The following COP1 variants were observed in gnomAD, a reference collection of about 807,000 sequenced individuals.
The protein encoded by COP1 is COP1 E3 ubiquitin ligase, also known as E3 ubiquitin-protein ligase COP1.
COP1 carries 24 observed loss-of-function variants against 101.3 expected under a neutral mutation model. The observed-to-expected ratio is 0.24, with a 90% CI of 0.17 to 0.33. The LOEUF (loss-of-function observed/expected upper bound fraction) is 0.33. Among genes scored for constraint, COP1 ranks in the 10% least tolerant of loss-of-function variants. COP1 has a pLI of 1.00. For synonymous variants in COP1, 347 were observed against 341.9 expected, an observed-to-expected ratio of 1.01 and a Z score of -0.17; for missense variants, 663 against 906.2, an observed-to-expected ratio of 0.73 and a Z score of 3.45.
chr1:175,994,859 A>T (rs867847873), intron 15 of COP1, among the ~76,000 whole-genome samples: 99 of 152,346 alleles, frequency 6.5e-4, no homozygotes, highest in African/African-American at 2.4e-3. Context: ...CAACAAGGAT[A>T]TCCAGGAATT....
intron 5 of COP1, among the ~76,000 whole-genome samples, chr1:176,155,884 T>TCTG (rs1333138481): frequency 6.6e-6 from 1 of 151,926 alleles, no homozygotes; most frequent in East Asian, 1.9e-4. Context: ...ACCCAAAGCT[T>TCTG]CTATATAGAG....
intron 14 of COP1, among the ~76,000 whole-genome samples, chr1:176,035,710 C>CAAAAAAAAAAAAAAAAAAAAAAAAAA (rs71129541): frequency 1.4e-5 from 1 of 73,112 alleles, no homozygotes; most frequent in African/African-American, 7.0e-5. Context: ...AAAACGAGAC[C>CAAAAAAAAAAAAAAAAAAAAAAAAAA]AAAAAAAAAA....
At position 176,207,003 on chromosome 1, in the gene COP1, G is replaced by C. The variant is rs1700934216; in HGVS notation, c.-25C>G. The stretch of plus-strand genomic sequence containing the variant: ...TCGTGACTCCCTCCCCTCCAGCCGG[G>C]CGCTCGGAGGAGAGGGACCGCGACC... On this transcript the variant is annotated 5_prime_UTR_variant, in exon 1 of 20. Transcript: ENST00000367669. The C allele has an allele frequency of 1.5e-6, 2 of 1,368,172 alleles. No individual in the cohort carries two copies. Among genetic ancestry groups the C allele is most frequent in the African/African-American group, 3.0e-5 (2 of 65,732 alleles). The allele number at this position is 1,368,172 out of a possible 1,614,324, so 84.8% of individuals were successfully genotyped here. A position where few individuals can be genotyped will look rare whatever the true frequency, so the allele number is the denominator to read the frequency against.
At chr1:176,125,750 A>G (rs369567254) in intron 8 of COP1, among the ~76,000 whole-genome samples, 42 of 151,408 alleles carry the variant, frequency 2.8e-4, no homozygotes, top group African/African-American at 9.4e-4. Flanking sequence ...TTTTTTTTCT[A>G]TTTCTGTGAA....
chr1:176,117,323 T>C (rs1686361637), intron 8 of COP1, among the ~76,000 whole-genome samples: 1 of 152,208 alleles, frequency 6.6e-6, no homozygotes, highest in Non-Finnish European at 1.5e-5. Context: ...TCCTCTGCTC[T>C]GGTCAAACAT....
At chr1:175,970,873 G>GTAT (rs1653100206) in intron 18 of COP1, among the ~76,000 whole-genome samples, 1 of 152,084 alleles carries the variant, frequency 6.6e-6, no homozygotes, top group South Asian at 2.1e-4. Flanking sequence ...GAAAGACCTG[G>GTAT]GTCAACTAAA....
chr1:176,115,641 T>C (rs1426372484), intron 9 of COP1, among the ~76,000 whole-genome samples: 2 of 150,712 alleles, frequency 1.3e-5, no homozygotes, highest in African/African-American at 4.9e-5. Context: ...CCCGACTACT[T>C]GGGAGGCTGA....
At position 176,206,797 on chromosome 1, in the gene COP1, A is replaced by C; in HGVS notation, c.182T>G (p.Leu61Arg). The C allele has an allele frequency of 7.2e-7, 1 of 1,385,952 alleles. No homozygotes were observed. Among genetic ancestry groups the C allele is most frequent in the Non-Finnish European group, 9.3e-7 (1 of 1,080,914 alleles). The allele number at this position is 1,385,952 out of a possible 1,614,324, so 85.9% of individuals were successfully genotyped here. ...CAACACAGGCCGCACCGGGCCCCCG[A>C]GGCCGCCCGAGCCGGCGGCCTGGGC... ...GVAQAAGSGG[L>R]GGPVRPVLVA... Residue 61 changes from leucine to arginine, a missense_variant, in exon 1 of 20, where the codon CTC becomes CGC. Physicochemically the swap from Leu to Arg is moderately radical, Grantham distance 102 (BLOSUM62 -2). This residue lies in a region of COP1 where 204 missense variants were observed against 203.6 expected (regional missense o/e 1.00). Transcript: ENST00000367669.
chr1:176,047,066 G>A (rs1241352479), intron 11 of COP1, among the ~76,000 whole-genome samples: 2 of 152,032 alleles, frequency 1.3e-5, no homozygotes, highest in African/African-American at 4.8e-5. Flanking sequence ...GATCATACTC[G>A]CTTTTACAGA....
chr1:176,007,345 G>T (rs906815411), intron 15 of COP1, among the ~76,000 whole-genome samples: 1 of 152,144 alleles, frequency 6.6e-6, no homozygotes, highest in African/African-American at 2.4e-5. Flanking sequence ...CTCTCAGCTC[G>T]TCAAAGTCAT....
chr1:176,049,178 CAAAAAAAAAAAA>C (rs61267982), intron 11 of COP1, among the ~76,000 whole-genome samples: 14 of 118,342 alleles, frequency 1.2e-4, no homozygotes, highest in Non-Finnish European at 1.2e-4. Context: ...GACTCCGTCT[CAAAAAAAAAAAA>C]AAAAAAAAAA....
At chr1:176,111,515 G>T (rs1437488341) in intron 9 of COP1, among the ~76,000 whole-genome samples, 1 of 151,996 alleles carries the variant, frequency 6.6e-6, no homozygotes, top group Non-Finnish European at 1.5e-5. Context: ...GGATGGTTTC[G>T]ATCTCTTGAC....
chr1:176,154,254 C>A (rs1693098563), intron 5 of COP1, among the ~76,000 whole-genome samples: 1 of 152,134 alleles, frequency 6.6e-6, no homozygotes, highest in African/African-American at 2.4e-5. Context: ...GATTCAATTT[C>A]TTCCTGGCTC....
At chr1:175,953,252 A>G (rs1170930889) in intron 18 of COP1, among the ~76,000 whole-genome samples, 1 of 151,852 alleles carries the variant, frequency 6.6e-6, no homozygotes. Context: ...TATATACCTA[A>G]TAAGCTAGTA....
At chr1:175,988,539 C>T (rs977949042) in intron 16 of COP1, 127 bp from the exon 17 acceptor site, 3 of 889,824 alleles carry the variant, frequency 3.4e-6, no homozygotes, top group African/African-American at 3.3e-5. Context: ...TGAGTTAGCA[C>T]GTTCATCTGT....
intron 18 of COP1, among the ~76,000 whole-genome samples, chr1:175,961,770 CCTTTA>C (rs1236391472): frequency 4.0e-5 from 6 of 149,848 alleles, no homozygotes; most frequent in Admixed American, 2.7e-4. Flanking sequence ...AGAGAGTGAT[CCTTTA>C]CTTGGAAAAG....
Position 176,136,543 on chromosome 1 carries a change from A to C in COP1, c.836T>G (p.Leu279Arg), listed in dbSNP as rs1458503408. ...KVARRNKREQ[L>R]EQIQKELSVL... ...ACTTAGCTCCTTCTGGATCTGTTCC[A>C]GTTGCTGCAGATTAAATAGAGAGAG... is the stretch of plus-strand genomic sequence containing the variant. Residue 279 changes from leucine to arginine, a missense_variant, in exon 7 of 20, where the codon CTG (leucine) becomes CGG (arginine). Leu to Arg is a moderately radical substitution (Grantham distance 102). Coordinates refer to ENST00000367669, the MANE Select transcript of COP1 (RefSeq NM_022457.7). 1 of 1,591,010 alleles carries C rather than the reference A, an allele frequency of 6.3e-7. No individual in the cohort carries two copies.
At chr1:176,188,040 G>T (rs1449366860) in intron 1 of COP1, among the ~76,000 whole-genome samples, 3 of 152,014 alleles carry the variant, frequency 2.0e-5, no homozygotes, top group African/African-American at 7.2e-5. Flanking sequence ...GATCCAGAGA[G>T]CAGGCACTGC....
chr1:176,143,114 C>G (rs1690967919), intron 6 of COP1, among the ~76,000 whole-genome samples: 1 of 64,906 alleles, frequency 1.5e-5, no homozygotes, highest in South Asian at 4.3e-4. Context: ...ATTGATCCAA[C>G]AGAACAAGCG....
Sources: gnomAD v4.1 joint callset for allele counts (sites outside exome capture counted in the v4.1 genomes callset) on GRCh38, gnomAD v4.1.1 for gene constraint, gnomAD v4.1.1 regional missense constraint, MANE v1.5 for transcripts, NCBI Gene and HGNC (gene_info 2026-07-23, HGNC 2026-07-21) for gene names.